CD1B: variants seen among roughly 807,000 people sequenced by gnomAD.
CD1B encodes CD1b molecule, also known as T-cell surface glycoprotein CD1b.
Under a neutral mutation model 39.8 loss-of-function variants are expected in CD1B, and 43 were observed. The ratio of observed to expected loss-of-function variants is 1.08; its 90% CI spans 0.85 to 1.39. The LOEUF (loss-of-function observed/expected upper bound fraction) is 1.39, where lower values mean the gene tolerates loss of function less well. CD1B is among the 40% of genes most tolerant of loss of function. The pLI is 0.00. For synonymous variants in CD1B, 192 were observed against 152.5 expected (o/e 1.26, Z -1.91); for missense variants, 495 against 403.8 (o/e 1.23, Z -1.94).
At chr1:158,298,785 T>G in the CD1B span, among the ~76,000 whole-genome samples, 2 of 152,202 alleles carry the variant, frequency 1.3e-5, no homozygotes, top group Non-Finnish European at 2.9e-5. Context: ...CGATTGTGAA[T>G]GGGAGTTCAC....
At chr1:158,326,859 C>A (rs1217924879), downstream of CD1B, among the ~76,000 whole-genome samples, 1 of 152,058 alleles carries the variant, frequency 6.6e-6, no homozygotes, top group Non-Finnish European at 1.5e-5. Flanking sequence ...TGCAGTGGCA[C>A]AATCTTGGCT....
chr1:158,294,378 T>TACAGTTAG, the CD1B span, among the ~76,000 whole-genome samples: 15 of 152,244 alleles, frequency 9.9e-5, no homozygotes, highest in Admixed American at 9.2e-4. Flanking sequence ...GACAGGCACA[T>TACAGTTAG]ACAGCTTCTA....
At chr1:158,312,153 G>A in the CD1B span, among the ~76,000 whole-genome samples, 1 of 152,106 alleles carries the variant, frequency 6.6e-6, no homozygotes, top group East Asian at 1.9e-4. Flanking sequence ...ATTTGGCCCT[G>A]TGTCCCCACC....
chr1:158,314,494 T>C, the CD1B span, among the ~76,000 whole-genome samples: 3 of 152,158 alleles, frequency 2.0e-5, no homozygotes, highest in Admixed American at 1.3e-4. Context: ...TCTCTTCTAC[T>C]AGTTTTGGCT....
the CD1B span, among the ~76,000 whole-genome samples, chr1:158,315,639 T>C: frequency 4.4e-4 from 66 of 151,614 alleles, no homozygotes; most frequent in Non-Finnish European, 1.6e-4. Flanking sequence ...TTTCTTTTGC[T>C]GTGCAGAAGC....
At chr1:158,302,228 A>T in the CD1B span, among the ~76,000 whole-genome samples, 1 of 152,198 alleles carries the variant, frequency 6.6e-6, no homozygotes, top group Non-Finnish European at 1.5e-5. Context: ...AAATCAGGAA[A>T]TTGTTCTAAC....
At chr1:158,321,846 G>T in the CD1B span, among the ~76,000 whole-genome samples, 1 of 152,114 alleles carries the variant, frequency 6.6e-6, no homozygotes, top group Non-Finnish European at 1.5e-5. Flanking sequence ...GTGGTTTACT[G>T]CACAGATCAT....
the CD1B span, among the ~76,000 whole-genome samples, chr1:158,308,369 G>T: frequency 6.6e-6 from 1 of 152,136 alleles, no homozygotes; most frequent in Non-Finnish European, 1.5e-5. Flanking sequence ...ATGCTCATGG[G>T]TAGGAAGAAT....
chr1:158,290,039 G>T, the CD1B span: 13 of 1,611,226 alleles, frequency 8.1e-6, no homozygotes, highest in Middle Eastern at 3.3e-4. Context: ...CAGCTTTTCT[G>T]AGAGAAAGAA....
the CD1B span, chr1:158,293,647 T>G: frequency 6.6e-7 from 1 of 1,506,208 alleles, no homozygotes. Flanking sequence ...TCTTGGAATC[T>G]CCACTTTTTA....
the CD1B span, among the ~76,000 whole-genome samples, chr1:158,305,542 C>T: frequency 2.6e-5 from 4 of 152,164 alleles, no homozygotes; most frequent in Admixed American, 2.0e-4. Context: ...CCCAATCTAG[C>T]AAGGCAGGCC....
the CD1B span, among the ~76,000 whole-genome samples, chr1:158,305,981 C>A: frequency 6.6e-6 from 1 of 152,172 alleles, no homozygotes; most frequent in African/African-American, 2.4e-5. Context: ...AAAAACATGC[C>A]AAATTGTAAA....
chr1:158,292,801 T>C, the CD1B span: 1 of 1,614,216 alleles, frequency 6.2e-7, no homozygotes, highest in East Asian at 2.2e-5. Flanking sequence ...AGGTGGCATC[T>C]GAGGAGCCTG....
At chr1:158,322,060 C>G in the CD1B span, among the ~76,000 whole-genome samples, 45 of 152,292 alleles carry the variant, frequency 3.0e-4, no homozygotes, top group Non-Finnish European at 2.6e-4. Flanking sequence ...CTCCTTTCTT[C>G]TCAAGTATTT....
Position 158,328,212 on chromosome 1 carries a change from T to C in CD1B, c.*24A>G. The C allele has an allele frequency of 2.5e-6, 4 of 1,598,208 alleles. No homozygotes were observed. The highest frequency in any genetic ancestry group is 3.4e-6 in the Non-Finnish European group (4 of 1,167,454). On this transcript the variant is annotated 3_prime_UTR_variant, in exon 6 of 6. Transcript: ENST00000368168. ...TGGGCTTCTTGGTACTTATTGCGAA[T>C]GGGAGAGGAGACATGATGATGGCTC...
At chr1:158,330,500 G>T in intron 2 of CD1B, 1 of 594,148 alleles carries the variant, frequency 1.7e-6, no homozygotes, top group South Asian at 1.8e-5. Context: ...GATCACTCAG[G>T]CACAGGGTAG....
the CD1B span, among the ~76,000 whole-genome samples, chr1:158,287,499 T>G: frequency 3.6e-3 from 543 of 152,286 alleles, no homozygotes; most frequent in Non-Finnish European, 5.0e-3. Context: ...ATGTGATTTT[T>G]TTTTTCTTTG....
At chr1:158,287,583 C>G in the CD1B span, among the ~76,000 whole-genome samples, 5 of 152,184 alleles carry the variant, frequency 3.3e-5, no homozygotes, top group East Asian at 9.7e-4. Flanking sequence ...AGCAAGATCA[C>G]TTGGATTACA....
the CD1B span, among the ~76,000 whole-genome samples, chr1:158,303,913 A>C: frequency 6.6e-6 from 1 of 152,188 alleles, no homozygotes; most frequent in Admixed American, 6.5e-5. Flanking sequence ...TAGAATTTGA[A>C]AAAACTATTC....
Sources: gnomAD v4.1 joint callset for allele counts (sites outside exome capture counted in the v4.1 genomes callset) on GRCh38, gnomAD v4.1.1 for gene constraint, MANE v1.5 for transcripts, NCBI Gene and HGNC (gene_info 2026-07-23, HGNC 2026-07-21) for gene names.